Variants in TNKS observed in about 807,000 individuals in gnomAD.
The protein encoded by TNKS is poly [ADP-ribose] polymerase tankyrase-1.
A neutral mutation model predicts 135.8 loss-of-function variants in TNKS; 72 were observed. That is an observed-to-expected ratio of 0.53 (90% CI 0.44 to 0.64). The LOEUF is 0.64. Ranked by LOEUF, TNKS falls within the 30% of genes least tolerant of loss-of-function variation. TNKS has a pLI of 0.00. For synonymous variants in TNKS, 849 were observed against 649.3 expected, an observed-to-expected ratio of 1.31 and a Z score of -4.68; for missense variants, 1,769 against 1,674.0, an observed-to-expected ratio of 1.06 and a Z score of -0.99.
At chr8:9,587,810 AT>A (rs1366166330) in intron 2 of TNKS, among the ~76,000 whole-genome samples, 4 of 152,310 alleles carry the variant, frequency 2.6e-5, no homozygotes, top group Non-Finnish European at 5.9e-5. Context: ...ATTTGTGATA[AT>A]TTGTTACGGC....
chr8:9,769,831 A>G (rs1159926866), intron 25 of TNKS, among the ~76,000 whole-genome samples: 1 of 151,982 alleles, frequency 6.6e-6, no homozygotes, highest in African/African-American at 2.4e-5. Context: ...CGTGTTAGCC[A>G]GGATGGTCTT....
chr8:9,659,238 A>G (rs1015842961), intron 3 of TNKS, among the ~76,000 whole-genome samples: 3 of 152,240 alleles, frequency 2.0e-5, no homozygotes, highest in Middle Eastern at 3.2e-3. Flanking sequence ...AGTGGACCTA[A>G]TAGACATCTA....
In TNKS at chr8:9,761,530, G is replaced by T; in HGVS notation, c.3168G>T (p.Val1056=). ...IFETEQITLD[V]LADMGHEELK... is the part of the protein sequence containing the mutation. ...TCATTTTTCAGATTACACTAGATGT[G>T]TTGGCTGATATGGGTCATGAAGAGT... The change falls in exon 21 of 27, where the codon GTG becomes GTT. Residue 1056 remains valine, a synonymous_variant. Transcript: ENST00000310430. The T allele has an allele frequency of 1.2e-6, 2 of 1,613,322 alleles. No homozygotes were observed. The highest frequency in any genetic ancestry group is 1.7e-6 in the Non-Finnish European group (2 of 1,179,846).
At chr8:9,680,625 A>C (rs970817664) in intron 4 of TNKS, 100 bp from the exon 5 acceptor site, 13 of 760,666 alleles carry the variant, frequency 1.7e-5, no homozygotes, top group Non-Finnish European at 2.7e-5. Flanking sequence ...AAAAGAAATC[A>C]AAGCAAACCC....
intron 1 of TNKS, among the ~76,000 whole-genome samples, chr8:9,573,300 T>C (rs981727702): frequency 1.3e-5 from 2 of 152,136 alleles, no homozygotes; most frequent in African/African-American, 2.4e-5. Context: ...GGCTGCCACA[T>C]GGTCAGATAA....
At chr8:9,746,040 C>T (rs1284216410) in intron 17 of TNKS, among the ~76,000 whole-genome samples, 1 of 152,122 alleles carries the variant, frequency 6.6e-6, no homozygotes, top group African/African-American at 2.4e-5. Flanking sequence ...TAAATGTCTT[C>T]CTTAAAAGCC....
intron 11 of TNKS, among the ~76,000 whole-genome samples, chr8:9,718,950 T>G (rs1804736486): frequency 6.6e-6 from 1 of 152,234 alleles, no homozygotes; most frequent in Non-Finnish European, 1.5e-5. Flanking sequence ...TAAGTTAGTA[T>G]GTTTCTTACC....
chr8:9,774,100 A>G (rs1048695434), intron 26 of TNKS, among the ~76,000 whole-genome samples: 4 of 152,228 alleles, frequency 2.6e-5, no homozygotes, highest in African/African-American at 9.6e-5. Flanking sequence ...ACTTGGAAAG[A>G]AAAATGGCTC....
At chr8:9,585,495 T>A (rs1798340676) in intron 2 of TNKS, among the ~76,000 whole-genome samples, 1 of 152,172 alleles carries the variant, frequency 6.6e-6, no homozygotes, top group South Asian at 2.1e-4. Flanking sequence ...AGATGTATAT[T>A]GCACTTTTCC....
rs377213900 is a variant in TNKS at position 9,776,744 on chromosome 8, C to T, written c.*8C>T. 26 of 1,613,564 alleles carry T rather than the reference C, an allele frequency of 1.6e-5. No homozygotes were observed. The African/African-American group carries it at 2.8e-4, about 17-fold the overall frequency. On this transcript the variant is annotated 3_prime_UTR_variant, in exon 27 of 27. Coordinates refer to ENST00000310430, the MANE Select transcript of TNKS (RefSeq NM_003747.3). ...GCAGAGCAGAAGACCTAGTGAATGC[C>T]TGCTGGTGAAGGCCAGATCAGATTT... is the stretch of plus-strand genomic sequence containing the variant.
intron 3 of TNKS, among the ~76,000 whole-genome samples, chr8:9,636,746 G>C (rs1800526849): frequency 6.6e-6 from 1 of 152,156 alleles, no homozygotes; most frequent in Non-Finnish European, 1.5e-5. Flanking sequence ...GGTCAAGAGT[G>C]CTTTCACTTC....
intron 2 of TNKS, among the ~76,000 whole-genome samples, chr8:9,585,388 A>G (rs896979085): frequency 3.9e-5 from 6 of 151,988 alleles, no homozygotes; most frequent in African/African-American, 1.4e-4. Context: ...AGAGATCAGT[A>G]ATAATTAAAC....
chr8:9,735,800 A>AAAAT lies in TNKS; in HGVS notation c.2643+334_2643+337dup, dbSNP rs750163364. On this transcript the variant is annotated intron_variant, in intron 17 of 26. Coordinates refer to ENST00000310430, the MANE Select transcript of TNKS (RefSeq NM_003747.3). Reference sequence around the variant, plus strand: ...GGGTGACAGAGCGAGACTCTGACTCAAAATAAATAAATAAATAAATAAAAT... The same window carrying AAAAT: ...GGGTGACAGAGCGAGACTCTGACTCAAAATAAATAAATAAATAAATAAATAAAAT... 4.6e-4 allele frequency among the ~76,000 whole-genome samples: 70 copies of AAAAT among 152,152 alleles called. No individual in the cohort carries two copies. In the East Asian group the frequency reaches 8.9e-3, roughly 19 times the overall value.
chr8:9,576,852 C>G (rs1797968743), intron 1 of TNKS, among the ~76,000 whole-genome samples: 2 of 151,868 alleles, frequency 1.3e-5, no homozygotes, highest in South Asian at 4.1e-4. Flanking sequence ...ATATTCTAAT[C>G]ACATAGAATA....
intron 3 of TNKS, among the ~76,000 whole-genome samples, chr8:9,657,304 C>A (rs1464094651): frequency 8.4e-5 from 6 of 71,216 alleles, no homozygotes; most frequent in African/African-American, 2.1e-4. Context: ...GGGGGCCGAC[C>A]CCCCCACCTC....
In TNKS at chr8:9,730,895, T is replaced by G; in HGVS notation, c.2007T>G (p.Leu669=). 1.2e-6 allele frequency: 2 copies of G among 1,612,326 alleles called. No homozygotes were observed. The highest frequency in any genetic ancestry group is 1.7e-6 in the Non-Finnish European group (2 of 1,179,216). The change falls in exon 14 of 27, where the codon CTT becomes CTG. Residue 669 remains leucine (L), a synonymous_variant. Coordinates refer to ENST00000310430, the MANE Select transcript of TNKS (RefSeq NM_003747.3). ...TTGTGTGTGCACCACGAAAGCAACT[T>G]TGCAGCTCTCAAAATGTGAATTGTA... The part of the protein sequence containing the change: ...KAGDLETVKQ[L]CSSQNVNCRD...
intron 5 of TNKS, among the ~76,000 whole-genome samples, chr8:9,691,229 G>T (rs574642626): frequency 9.4e-4 from 143 of 151,778 alleles, no homozygotes; most frequent in African/African-American, 3.4e-3. Context: ...TGGGAAGGAG[G>T]CAGAATCAAT....
chr8:9,588,046 C>T (rs1232869832), intron 2 of TNKS, among the ~76,000 whole-genome samples: 1 of 151,986 alleles, frequency 6.6e-6, no homozygotes, highest in Non-Finnish European at 1.5e-5. Flanking sequence ...TATAAAAAAG[C>T]AGATAATGTA....
In TNKS at chr8:9,674,125, T is replaced by G. The variant is rs1585312234; in HGVS notation, c.995-5826T>G. Reference sequence around the variant, plus strand: ...AACTTTGTTTTGTTTTAAGTCTGTTTAAAGCAACATTAAAACCATCTTAGA... The same window carrying G: ...AACTTTGTTTTGTTTTAAGTCTGTTGAAAGCAACATTAAAACCATCTTAGA... On this transcript the variant is annotated intron_variant, in intron 3 of 26. Coordinates refer to ENST00000310430, the MANE Select transcript of TNKS (RefSeq NM_003747.3). 2.0e-5 allele frequency among the ~76,000 whole-genome samples: 3 copies of G among 152,190 alleles called. No homozygotes were observed. The East Asian group carries it at 5.8e-4, about 29-fold the overall frequency.
Sources: gnomAD v4.1 joint callset for allele counts (sites outside exome capture counted in the v4.1 genomes callset) on GRCh38, gnomAD v4.1.1 for gene constraint, MANE v1.5 for transcripts, NCBI Gene and HGNC (gene_info 2026-07-23, HGNC 2026-07-21) for gene names.